PCM1: variants seen among roughly 807,000 people sequenced by gnomAD.
PCM1 encodes pericentriolar material 1, also known as pericentriolar material 1 protein.
PCM1 carries 157 observed loss-of-function variants against 241.9 expected under a neutral mutation model. That is an observed-to-expected ratio of 0.65 (90% CI 0.57 to 0.74). The LOEUF (loss-of-function observed/expected upper bound fraction) is 0.74, where lower values mean the gene tolerates loss of function less well. Among genes scored for constraint, PCM1 ranks in the 30% least tolerant of loss-of-function variants. The pLI is 0.00. For missense variants in PCM1, 3,478 were observed against 2,360.1 expected, an observed-to-expected ratio of 1.47 and a Z score of -9.81; for synonymous variants, 1,085 against 784.9, an observed-to-expected ratio of 1.38 and a Z score of -6.39.
At position 17,957,440 on chromosome 8, in the gene PCM1, A is replaced by G; in HGVS notation, c.1804+19A>G. 1 of 1,610,182 alleles carries G rather than the reference A, an allele frequency of 6.2e-7. No individual in the cohort carries two copies. Among genetic ancestry groups the G allele is most frequent in the South Asian group, 1.1e-5 (1 of 91,034 alleles). On this transcript the variant is annotated intron_variant, in intron 12 of 38. Transcript: ENST00000325083. ...TCTTTAGGTATGACTGACTGTATTT[A>G]CATATAATTTTGCTGTGTTATTCTT...
At chr8:17,970,141 T>C (rs1012933314) in intron 22 of PCM1, among the ~76,000 whole-genome samples, 1 of 152,156 alleles carries the variant, frequency 6.6e-6, no homozygotes, top group Non-Finnish European at 1.5e-5. Context: ...CCTATTCAAA[T>C]ATAATGTTGA....
intron 29 of PCM1, among the ~76,000 whole-genome samples, chr8:17,998,521 C>T (rs2087861754): frequency 6.6e-6 from 1 of 152,162 alleles, no homozygotes; most frequent in Non-Finnish European, 1.5e-5. Flanking sequence ...TAAATGGAAT[C>T]TCTGTGTTGA....
rs200495166 is a variant in PCM1 at position 17,963,190 on chromosome 8, G to C, written c.2553G>C (p.Gln851His). ...KQLEALMAEH[Q>H]RRQGLAETAS... is the part of the protein sequence containing the mutation. The stretch of plus-strand genomic sequence containing the variant: ...TTGAAGCTCTGATGGCTGAACATCA[G>C]AGGAGGCAAGGTCTAGCTGAAACTG... Residue 851 changes from glutamine to histidine, a missense_variant, in exon 17 of 39, where the codon CAG (glutamine) becomes CAC (histidine). Physicochemically the swap from Gln to His is conservative, Grantham distance 24 (BLOSUM62 0). Transcript: ENST00000325083. The C allele has an allele frequency of 2.5e-6, 4 of 1,613,748 alleles. No homozygotes were observed. Among genetic ancestry groups the C allele is most frequent in the Non-Finnish European group, 3.4e-6 (4 of 1,179,720 alleles).
At chr8:17,992,984 G>C (rs575756154) in intron 28 of PCM1, among the ~76,000 whole-genome samples, 2 of 139,832 alleles carry the variant, frequency 1.4e-5, no homozygotes, top group Admixed American at 1.5e-4. Flanking sequence ...TGTAGATTCT[G>C]GGTATTAGTC....
intron 23 of PCM1, among the ~76,000 whole-genome samples, chr8:17,973,027 G>A (rs555938085): frequency 1.3e-5 from 2 of 151,768 alleles, no homozygotes; most frequent in Non-Finnish European, 2.9e-5. Context: ...CAACTCTTTG[G>A]TCATGACTTT....
chr8:17,924,130 C>T (rs1342085649), intron 1 of PCM1, among the ~76,000 whole-genome samples: 1 of 152,124 alleles, frequency 6.6e-6, no homozygotes, highest in African/African-American at 2.4e-5. Flanking sequence ...GCTTTCCAGA[C>T]TCCGCCTGCT....
intron 24 of PCM1, among the ~76,000 whole-genome samples, chr8:17,981,340 C>G (rs910560332): frequency 6.6e-6 from 1 of 152,188 alleles, no homozygotes; most frequent in African/African-American, 2.4e-5. Context: ...AATTTTAATT[C>G]TGAAACTCCA....
intron 8 of PCM1, among the ~76,000 whole-genome samples, chr8:17,952,666 T>G (rs1488593641): frequency 6.6e-6 from 1 of 152,186 alleles, no homozygotes; most frequent in Non-Finnish European, 1.5e-5. Context: ...GGAGGATGTG[T>G]GTAGATTATG....
At position 17,955,578 on chromosome 8, in the gene PCM1, C is replaced by T. The variant is rs371691310; in HGVS notation, c.1397C>T (p.Pro466Leu). The T allele has an allele frequency of 3.1e-6, 5 of 1,613,668 alleles. No homozygotes were observed. Among genetic ancestry groups the T allele is most frequent in the African/African-American group, 2.7e-5 (2 of 74,918 alleles). Residue 466 changes from proline (P) to leucine (L), a missense_variant, in exon 10 of 39, where the codon CCT (proline) becomes CTT (leucine). Pro to Leu is a moderately conservative substitution (Grantham distance 98). Coordinates refer to ENST00000325083, the MANE Select transcript of PCM1 (RefSeq NM_006197.4). ...TCCAATAGCCTCACATCATCTGTTC[C>T]TTATCCTACTGCTTCTCTAGTATCT... ...GESNSLTSSV[P>L]YPTASLVSQN...
intron 6 of PCM1, among the ~76,000 whole-genome samples, chr8:17,944,973 T>G (rs2063315790): frequency 6.6e-6 from 1 of 152,154 alleles, no homozygotes; most frequent in Admixed American, 6.5e-5. Context: ...GTACGCTTTT[T>G]TCTCATTTGC....
At chr8:18,003,300 C>CT (rs2090223003) in intron 29 of PCM1, among the ~76,000 whole-genome samples, 1 of 152,322 alleles carries the variant, frequency 6.6e-6, no homozygotes, top group South Asian at 2.1e-4. Context: ...TTTAGACGCT[C>CT]TAAGTGTGAA....
At chr8:17,952,478 C>T (rs561311405) in intron 8 of PCM1, among the ~76,000 whole-genome samples, 3 of 152,270 alleles carry the variant, frequency 2.0e-5, no homozygotes, top group Admixed American at 6.5e-5. Context: ...AGAGTCAGCT[C>T]TCAGTATCTG....
intron 24 of PCM1, chr8:17,982,755 A>C (rs1341049622): frequency 1.3e-5 from 2 of 152,364 alleles, no homozygotes; most frequent in African/African-American, 4.8e-5. Context: ...CGGCCTCCCA[A>C]AGTGCTGGGA....
chr8:17,946,885 G>A (rs1460418634), intron 6 of PCM1, among the ~76,000 whole-genome samples: 1 of 150,454 alleles, frequency 6.6e-6, no homozygotes, highest in Non-Finnish European at 1.5e-5. Flanking sequence ...ATGTGTCCGT[G>A]TCCCTCTTGG....
intron 26 of PCM1, among the ~76,000 whole-genome samples, chr8:17,988,608 C>G (rs1281862584): frequency 6.6e-6 from 1 of 151,458 alleles, no homozygotes. Context: ...GAAAATAATC[C>G]CAGTATATAT....
chr8:17,955,778 A>G (rs571540020), intron 10 of PCM1, 125 bp downstream of exon 10: 1 of 773,504 alleles, frequency 1.3e-6, no homozygotes, highest in Non-Finnish European at 2.2e-6. Flanking sequence ...TTCTTAAGGG[A>G]TAGGTAGAAG....
chr8:17,981,227 T>C (rs2080665278), intron 24 of PCM1, among the ~76,000 whole-genome samples: 1 of 152,202 alleles, frequency 6.6e-6, no homozygotes, highest in South Asian at 2.1e-4. Flanking sequence ...AACTGGAGTT[T>C]TTGTATAGCT....
In PCM1 at chr8:17,946,527, C is replaced by T. The variant is rs537396614; in HGVS notation, c.784-659C>T. 5.7e-4 allele frequency among the ~76,000 whole-genome samples: 86 copies of T among 151,002 alleles called. 1 individual carries two copies. The highest frequency in any genetic ancestry group is 1.8e-3 in the African/African-American group (74 of 41,082). Reference sequence around the variant, plus strand: ...TTCTTTTTTCTTTGAGACGGGGTCTCGCTCTGTCACCCAGGCTGGAGTGCA... The same window carrying T: ...TTCTTTTTTCTTTGAGACGGGGTCTTGCTCTGTCACCCAGGCTGGAGTGCA... On this transcript the variant is annotated intron_variant, in intron 6 of 38. Transcript: ENST00000325083.
At chr8:18,010,569 A>G in intron 31 of PCM1, 40 bp from the exon 32 acceptor site, 3 of 1,445,160 alleles carry the variant, frequency 2.1e-6, no homozygotes, top group Non-Finnish European at 2.9e-6. Context: ...TATGTATCTA[A>G]GTATGTTGCT....
Sources: allele counts gnomAD v4.1 joint callset (sites outside exome capture counted in the v4.1 genomes callset), GRCh38; gene constraint gnomAD v4.1.1; transcripts MANE v1.5; gene names NCBI Gene and HGNC (gene_info 2026-07-23, HGNC 2026-07-21).